Variants in MAD1L1 observed in about 807,000 individuals in gnomAD.
The protein encoded by MAD1L1 is mitotic spindle assembly checkpoint protein MAD1.
In MAD1L1, 95 loss-of-function variants were observed where a neutral mutation model predicts 96.9. That is an observed-to-expected ratio of 0.98 (90% CI 0.83 to 1.16). The LOEUF is 1.16. Among genes scored for constraint, MAD1L1 ranks in the 50% most tolerant of loss-of-function variants. The pLI is 0.00. For synonymous variants in MAD1L1, 473 were observed against 396.6 expected, an observed-to-expected ratio of 1.19 and a Z score of -2.29; for missense variants, 1,007 against 954.4, an observed-to-expected ratio of 1.06 and a Z score of -0.73.
intron 4 of MAD1L1, 91 bp from the exon 5 acceptor site, chr7:2,222,845 G>A (rs921003995): frequency 7.2e-6 from 8 of 1,118,394 alleles, no homozygotes; most frequent in Non-Finnish European, 1.0e-5. Flanking sequence ...AGAACATGCC[G>A]AGGCACAAAA....
At chr7:2,111,810 A>G (rs1366499494) in intron 11 of MAD1L1, among the ~76,000 whole-genome samples, 1 of 152,208 alleles carries the variant, frequency 6.6e-6, no homozygotes. Flanking sequence ...AAACGCACAC[A>G]CCGCGAACGC....
At chr7:1,924,652 G>A (rs1265317119) in intron 17 of MAD1L1, among the ~76,000 whole-genome samples, 2 of 152,098 alleles carry the variant, frequency 1.3e-5, no homozygotes, top group Non-Finnish European at 2.9e-5. Context: ...ATGATCCCAG[G>A]GGAACCCAGG....
At chr7:1,872,967 G>A (rs536413756) in intron 18 of MAD1L1, among the ~76,000 whole-genome samples, 5 of 152,208 alleles carry the variant, frequency 3.3e-5, no homozygotes, top group African/African-American at 4.8e-5. Flanking sequence ...AGAGATGGCC[G>A]TGATCTTTAA....
chr7:2,041,340 A>T (rs1783663499), intron 12 of MAD1L1, among the ~76,000 whole-genome samples: 1 of 152,154 alleles, frequency 6.6e-6, no homozygotes, highest in Non-Finnish European at 1.5e-5. Context: ...GAACGTAATC[A>T]TCAGGAAAAC....
At chr7:1,839,061 C>T (rs983213748) in intron 18 of MAD1L1, among the ~76,000 whole-genome samples, 2 of 152,136 alleles carry the variant, frequency 1.3e-5, no homozygotes, top group Non-Finnish European at 2.9e-5. Context: ...GGGTCCCACT[C>T]GCAGATGGCC....
intron 12 of MAD1L1, among the ~76,000 whole-genome samples, chr7:2,030,828 C>T (rs1444840097): frequency 6.6e-6 from 1 of 152,238 alleles, no homozygotes; most frequent in East Asian, 1.9e-4. Context: ...CTCCTCAGCC[C>T]CCAACCTGCG....
chr7:2,180,234 C>T (rs539875207), intron 10 of MAD1L1, among the ~76,000 whole-genome samples: 1 of 152,266 alleles, frequency 6.6e-6, no homozygotes, highest in African/African-American at 2.4e-5. Context: ...CTGTGAAGGC[C>T]CTGGGTTCTC....
intron 18 of MAD1L1, among the ~76,000 whole-genome samples, chr7:1,888,607 T>C (rs988427929): frequency 1.1e-4 from 16 of 152,062 alleles, no homozygotes. Context: ...TGGCTGCCTA[T>C]GCATGTGTGA....
At chr7:1,857,101 C>T (rs1784295611) in intron 18 of MAD1L1, among the ~76,000 whole-genome samples, 1 of 152,212 alleles carries the variant, frequency 6.6e-6, no homozygotes, top group African/African-American at 2.4e-5. Flanking sequence ...GGGTCTCCCC[C>T]TCGGTGCCCG....
At chr7:2,141,243 C>CCA (rs1178520686) in intron 11 of MAD1L1, among the ~76,000 whole-genome samples, 1 of 152,250 alleles carries the variant, frequency 6.6e-6, no homozygotes, top group Non-Finnish European at 1.5e-5. Context: ...ACGCAGTGCC[C>CCA]CACTGCGGAG....
chr7:2,131,217 A>C (rs1175371520), intron 11 of MAD1L1, among the ~76,000 whole-genome samples: 2 of 152,206 alleles, frequency 1.3e-5, no homozygotes, highest in Admixed American at 1.3e-4. Context: ...CATCCCAGGC[A>C]CTTCAGGAAT....
intron 11 of MAD1L1, among the ~76,000 whole-genome samples, chr7:2,141,875 A>G (rs529200345): frequency 3.2e-4 from 49 of 152,294 alleles, no homozygotes; most frequent in African/African-American, 1.2e-3. Context: ...CTCTTTTCCT[A>G]CTAAAGTCCC....
intron 11 of MAD1L1, among the ~76,000 whole-genome samples, chr7:2,121,977 G>A (rs896331652): frequency 1.3e-5 from 2 of 152,184 alleles, no homozygotes; most frequent in African/African-American, 2.4e-5. Context: ...CCAAGACACT[G>A]GGGAAAAGAC....
At chr7:2,122,887 C>T (rs984334723) in intron 11 of MAD1L1, among the ~76,000 whole-genome samples, 16 of 152,368 alleles carry the variant, frequency 1.1e-4, no homozygotes, top group Admixed American at 9.8e-4. Flanking sequence ...GGCCGCCGTC[C>T]ACCCAGCGCC....
chr7:2,126,643 T>C (rs1788246498), intron 11 of MAD1L1, among the ~76,000 whole-genome samples: 1 of 152,188 alleles, frequency 6.6e-6, no homozygotes, highest in African/African-American at 2.4e-5. Context: ...TGAAAGGCAG[T>C]GTGAGGAGGC....
intron 3 of MAD1L1, among the ~76,000 whole-genome samples, chr7:2,226,175 C>G (rs187795854): frequency 2.0e-5 from 3 of 152,354 alleles, no homozygotes; most frequent in Non-Finnish European, 2.9e-5. Context: ...GGGAGTGGAT[C>G]AAGCCCACCC....
chr7:2,199,322 T>C (rs536296605), intron 10 of MAD1L1, among the ~76,000 whole-genome samples: 2 of 152,334 alleles, frequency 1.3e-5, no homozygotes, highest in South Asian at 2.1e-4. Context: ...AGAAAGGAGT[T>C]TGTTACTTCT....
chr7:2,211,441 C>G (rs979595099), intron 10 of MAD1L1, among the ~76,000 whole-genome samples: 2 of 152,260 alleles, frequency 1.3e-5, no homozygotes, highest in African/African-American at 4.8e-5. Context: ...TCGTGCCCGA[C>G]TGACACCCAG....
intron 10 of MAD1L1, among the ~76,000 whole-genome samples, chr7:2,201,153 G>A (rs3779020): frequency 6.6e-5 from 10 of 152,138 alleles, no homozygotes; most frequent in Non-Finnish European, 1.2e-4. Flanking sequence ...GTGGAGCCCC[G>A]TAGCCTGCCT....
Sources: allele counts gnomAD v4.1 joint callset (sites outside exome capture counted in the v4.1 genomes callset), GRCh38; gene constraint gnomAD v4.1.1; transcripts MANE v1.5; gene names NCBI Gene and HGNC (gene_info 2026-07-23, HGNC 2026-07-21).